Variants in DMC1 observed in about 807,000 individuals in gnomAD.
The protein encoded by DMC1 is meiotic recombination protein DMC1 homolog.
In DMC1, 27 loss-of-function variants were observed where a neutral mutation model predicts 50.1. That is an observed-to-expected ratio of 0.54 (90% CI 0.40 to 0.74). DMC1 has a LOEUF of 0.74. DMC1 is among the 30% of genes least tolerant of loss of function. The pLI, the probability that DMC1 is intolerant of heterozygous loss-of-function variation, is 0.00. For synonymous variants in DMC1, 148 were observed against 136.1 expected (o/e 1.09, Z -0.61); for missense variants, 295 against 420.2 (o/e 0.70, Z 2.60).
At chr22:38,562,745 T>C (rs910434409) in intron 4 of DMC1, among the ~76,000 whole-genome samples, 1 of 151,336 alleles carries the variant, frequency 6.6e-6, no homozygotes, top group Admixed American at 6.6e-5. Context: ...TACACATATA[T>C]ACACACGTTA....
chr22:38,567,543 T>C (rs774694796), intron 3 of DMC1, 40 bp downstream of exon 3: 8 of 1,520,946 alleles, frequency 5.3e-6, no homozygotes, highest in Non-Finnish European at 7.3e-6. Context: ...TGAGAAATCC[T>C]GAATCAGACA....
downstream of DMC1, among the ~76,000 whole-genome samples, chr22:38,514,246 C>CTTTTT (rs142872124): frequency 9.8e-5 from 7 of 71,310 alleles, no homozygotes; most frequent in Admixed American, 1.6e-4. Flanking sequence ...GTTAGGTATT[C>CTTTTT]TTTTTTTTTT....
At chr22:38,556,373 C>T (rs1367830858) in intron 5 of DMC1, among the ~76,000 whole-genome samples, 1 of 152,128 alleles carries the variant, frequency 6.6e-6, no homozygotes, top group African/African-American at 2.4e-5. Flanking sequence ...GGATTATAGA[C>T]ATGAGCCATC....
downstream of DMC1, among the ~76,000 whole-genome samples, chr22:38,518,434 G>A (rs1293347245): frequency 2.0e-5 from 3 of 151,994 alleles, no homozygotes; most frequent in South Asian, 2.1e-4. Context: ...ATTCTTTAGC[G>A]CTTAGCATTA....
chr22:38,528,469 T>A (rs1454125762), intron 12 of DMC1, among the ~76,000 whole-genome samples: 2 of 152,108 alleles, frequency 1.3e-5, no homozygotes, highest in East Asian at 1.9e-4. Context: ...ACATAAGAGA[T>A]CCTCGATAAA....
chr22:38,511,644 T>C, the DMC1 span, among the ~76,000 whole-genome samples: 3 of 152,014 alleles, frequency 2.0e-5, no homozygotes, highest in African/African-American at 4.8e-5. Flanking sequence ...TTCTGTCACC[T>C]GGGCTGGAGT....
At chr22:38,560,485 C>A (rs1284524654) in intron 5 of DMC1, among the ~76,000 whole-genome samples, 1 of 151,002 alleles carries the variant, frequency 6.6e-6, no homozygotes, top group South Asian at 2.1e-4. Flanking sequence ...TTTAAAGTGA[C>A]CATTCTGGCT....
intron 12 of DMC1, among the ~76,000 whole-genome samples, chr22:38,535,231 G>A (rs1439423436): frequency 2.6e-5 from 4 of 151,882 alleles, no homozygotes; most frequent in African/African-American, 4.8e-5. Context: ...CCTGGGAGGC[G>A]GAGACTGCAG....
intron 6 of DMC1, 35 bp downstream of exon 6, chr22:38,555,322 T>C: frequency 7.1e-7 from 1 of 1,403,944 alleles, no homozygotes; most frequent in Non-Finnish European, 1.0e-6. Flanking sequence ...GTGTGTATAA[T>C]ATTTCATTTA....
intron 9 of DMC1, 39 bp from the exon 10 acceptor site, chr22:38,538,651 AAAG>A: frequency 6.5e-7 from 1 of 1,542,648 alleles, no homozygotes; most frequent in Non-Finnish European, 9.0e-7. Context: ...ATAAAAGTTG[AAAG>A]AAGCAGAGGC....
At chr22:38,526,080 A>T (rs1360785329) in intron 12 of DMC1, among the ~76,000 whole-genome samples, 2 of 152,224 alleles carry the variant, frequency 1.3e-5, no homozygotes, top group African/African-American at 4.8e-5. Flanking sequence ...TAGCAGCCTT[A>T]ACTCCAGGAG....
intron 5 of DMC1, among the ~76,000 whole-genome samples, chr22:38,561,094 C>T (rs2090522983): frequency 6.6e-6 from 1 of 152,026 alleles, no homozygotes; most frequent in South Asian, 2.1e-4. Context: ...ACCTCAACCT[C>T]CTGGGCTCTA....
chr22:38,513,359 T>TG, the DMC1 span, among the ~76,000 whole-genome samples: 1 of 152,138 alleles, frequency 6.6e-6, no homozygotes, highest in East Asian at 1.9e-4. Flanking sequence ...CTACCTGAAT[T>TG]GGGGAGAGGT....
the DMC1 span, among the ~76,000 whole-genome samples, chr22:38,513,817 C>T: frequency 3.9e-5 from 6 of 152,216 alleles, no homozygotes; most frequent in Admixed American, 2.6e-4. Context: ...CCGCCCTCCT[C>T]GGCCTCTCAA....
intron 4 of DMC1, among the ~76,000 whole-genome samples, chr22:38,565,717 G>A (rs980636534): frequency 3.3e-5 from 5 of 152,216 alleles, no homozygotes; most frequent in Non-Finnish European, 7.3e-5. Flanking sequence ...GGGCTCACCT[G>A]CCCTGCATCA....
In DMC1 at chr22:38,535,214, G is replaced by A. The variant is rs560421060; in HGVS notation, c.836+2378C>T. On this transcript the variant is annotated intron_variant, in intron 12 of 13. Transcript: ENST00000216024. Reference sequence around the variant, plus strand: ...CTCAGGAGGCTGAGGCAGGAGAATCGCCTGAACCTGGGAGGCGGAGACTGC... The same window carrying A: ...CTCAGGAGGCTGAGGCAGGAGAATCACCTGAACCTGGGAGGCGGAGACTGC... 1.1e-4 allele frequency among the ~76,000 whole-genome samples: 17 copies of A among 151,896 alleles called. No homozygotes were observed. In the East Asian group the frequency reaches 1.7e-3, roughly 16 times the overall value.
At chr22:38,549,503 A>ATC in intron 8 of DMC1, 1 of 173,206 alleles carries the variant, frequency 5.8e-6, no homozygotes, top group Non-Finnish European at 1.2e-5. Flanking sequence ...ACACACCTGT[A>ATC]ATCCCAGCTA....
chr22:38,520,245 A>G (rs562051422), intron 13 of DMC1, among the ~76,000 whole-genome samples, 156 bp from the exon 14 acceptor site: 10 of 152,360 alleles, frequency 6.6e-5, no homozygotes, highest in African/African-American at 2.4e-4. Flanking sequence ...ACCCACAAGT[A>G]TTATTAACCC....
intron 8 of DMC1, 61 bp from the exon 9 acceptor site, chr22:38,539,473 T>A: frequency 8.0e-7 from 1 of 1,245,478 alleles, no homozygotes; most frequent in Non-Finnish European, 1.2e-6. Context: ...AGACAACCAC[T>A]ACAAAACATA....
Sources: gnomAD v4.1 joint callset for allele counts (sites outside exome capture counted in the v4.1 genomes callset) on GRCh38, gnomAD v4.1.1 for gene constraint, MANE v1.5 for transcripts, NCBI Gene and HGNC (gene_info 2026-07-23, HGNC 2026-07-21) for gene names.